The following DOCK10 variants were observed in gnomAD, a reference collection of about 807,000 sequenced individuals.
DOCK10 encodes dedicator of cytokinesis protein 10.
In DOCK10, 145 loss-of-function variants were observed where a neutral mutation model predicts 280.1. The observed-to-expected ratio is 0.52, with a 90% CI of 0.45 to 0.59. The LOEUF (loss-of-function observed/expected upper bound fraction) is 0.59, where lower values mean the gene tolerates loss of function less well. Ranked by LOEUF, DOCK10 falls within the 20% of genes least tolerant of loss-of-function variation. DOCK10 has a pLI of 0.00. For synonymous variants in DOCK10, 915 were observed against 942.2 expected, an observed-to-expected ratio of 0.97 and a Z score of 0.53; for missense variants, 2,368 against 2,651.7, an observed-to-expected ratio of 0.89 and a Z score of 2.35.
At chr2:224,834,726 T>G (rs955072525) in intron 25 of DOCK10, among the ~76,000 whole-genome samples, 10 of 152,194 alleles carry the variant, frequency 6.6e-5, no homozygotes, top group Admixed American at 5.9e-4. Flanking sequence ...GATCCCATGC[T>G]TAGACACACT....
chr2:224,982,173 A>G (rs749538966), intron 1 of DOCK10: 19 of 1,225,318 alleles, frequency 1.6e-5, no homozygotes, highest in East Asian at 6.3e-5. Flanking sequence ...TAACAGTTCA[A>G]TCCACTGAGG....
chr2:225,011,922 A>C (rs537038097), intron 1 of DOCK10, among the ~76,000 whole-genome samples: 3 of 152,222 alleles, frequency 2.0e-5, no homozygotes, highest in African/African-American at 7.2e-5. Flanking sequence ...CTCAATGCAC[A>C]TACGCAACTG....
chr2:224,886,169 G>A lies in DOCK10; in HGVS notation c.506C>T (p.Ser169Leu). The A allele has an allele frequency of 1.2e-6, 2 of 1,613,818 alleles. No homozygotes were observed. The highest frequency in any genetic ancestry group is 1.1e-5 in the South Asian group (1 of 91,076). Residue 169 changes from serine to leucine, a missense_variant, in exon 6 of 56, where the codon TCG (serine) becomes TTG (leucine). By Grantham distance (145) the Ser-to-Leu change is moderately radical (BLOSUM62 -2). Around this residue, in one of 2 missense-constraint regions of DOCK10, gnomAD observed 1,209 missense variants for 1,250.9 expected, o/e 0.97. Coordinates refer to ENST00000258390, the MANE Select transcript of DOCK10 (RefSeq NM_014689.3). ...ADKDEDTTSH[S>L]SSKGGGGAGG... Reference sequence around the variant, plus strand: ...CGCTCCTCCACCCCCCTTGGAAGACGAGTGGGAAGTGGTATCCTGTAGGAA... The same window carrying A: ...CGCTCCTCCACCCCCCTTGGAAGACAAGTGGGAAGTGGTATCCTGTAGGAA...
At chr2:224,986,451 T>C (rs1464375015) in intron 1 of DOCK10, among the ~76,000 whole-genome samples, 1 of 152,172 alleles carries the variant, frequency 6.6e-6, no homozygotes, top group African/African-American at 2.4e-5. Flanking sequence ...AAGGGTAGAA[T>C]TATGTCCCCC....
intron 3 of DOCK10, among the ~76,000 whole-genome samples, chr2:224,914,179 A>C (rs1701191120): frequency 6.6e-6 from 1 of 152,216 alleles, no homozygotes; most frequent in South Asian, 2.1e-4. Context: ...TCTTCCCCAG[A>C]GACTTTGAAG....
intron 1 of DOCK10, among the ~76,000 whole-genome samples, chr2:225,011,956 C>T (rs1239006266): frequency 6.6e-6 from 1 of 152,064 alleles, no homozygotes; most frequent in Non-Finnish European, 1.5e-5. Flanking sequence ...CTCACATGTA[C>T]TGTCGGGAAG....
At chr2:224,927,810 T>C (rs576833916) in intron 2 of DOCK10, among the ~76,000 whole-genome samples, 1 of 152,020 alleles carries the variant, frequency 6.6e-6, no homozygotes, top group Admixed American at 6.6e-5. Context: ...AACCGAGTAA[T>C]GAATCATGTG....
intron 11 of DOCK10, among the ~76,000 whole-genome samples, chr2:224,866,392 C>G (rs1697913585): frequency 1.3e-5 from 2 of 152,144 alleles, no homozygotes; most frequent in African/African-American, 4.8e-5. Flanking sequence ...TTCATTGTGT[C>G]TAGAGCACAC....
intron 3 of DOCK10, among the ~76,000 whole-genome samples, chr2:224,907,260 T>C (rs1291914498): frequency 6.6e-6 from 1 of 152,188 alleles, no homozygotes; most frequent in Admixed American, 6.5e-5. Context: ...AGAGTAACAT[T>C]ATTTATACTT....
rs1702509179 is a variant in DOCK10, at chr2:224,933,392, T to G, written c.124-1724A>C. On this transcript the variant is annotated intron_variant, in intron 1 of 55. Transcript: ENST00000258390. ...CACATTTATTTTCTTTTTAATTGGC[T>G]TTGAATGTCTTTAAGTCATGGTATT... is the stretch of plus-strand genomic sequence containing the variant. Among the ~76,000 whole-genome samples the G allele has an allele frequency of 2.6e-5, 4 of 152,326 alleles. No individual in the cohort carries two copies. The South Asian group carries it at 8.3e-4, about 32-fold the overall frequency.
intron 1 of DOCK10, among the ~76,000 whole-genome samples, chr2:224,941,437 TG>T (rs1391524808): frequency 6.6e-6 from 1 of 152,224 alleles, no homozygotes; most frequent in African/African-American, 2.4e-5. Context: ...ATACTATTTC[TG>T]CTCCACTTTT....
intron 31 of DOCK10, among the ~76,000 whole-genome samples, chr2:224,811,846 T>C (rs1693804921): frequency 6.6e-6 from 1 of 151,802 alleles, no homozygotes. Context: ...TTGATCTATA[T>C]CTCTGTTTTG....
At chr2:224,895,745 A>T (rs1478641284) in intron 4 of DOCK10, among the ~76,000 whole-genome samples, 2 of 151,744 alleles carry the variant, frequency 1.3e-5, no homozygotes, top group African/African-American at 4.9e-5. Flanking sequence ...AGCAGAACAA[A>T]ATTACTTTCT....
intron 39 of DOCK10, among the ~76,000 whole-genome samples, chr2:224,802,324 T>G (rs1693070493): frequency 6.6e-6 from 1 of 152,136 alleles, no homozygotes; most frequent in Non-Finnish European, 1.5e-5. Context: ...ATTTATGAAA[T>G]AATGGGATTC....
At chr2:224,880,183 A>C (rs923946552) in intron 7 of DOCK10, among the ~76,000 whole-genome samples, 1 of 152,236 alleles carries the variant, frequency 6.6e-6, no homozygotes, top group Non-Finnish European at 1.5e-5. Context: ...TATTCTTAAA[A>C]ATTTGAGCAA....
chr2:224,766,190 A>T (rs1177964317), intron 55 of DOCK10, among the ~76,000 whole-genome samples: 4 of 152,230 alleles, frequency 2.6e-5, no homozygotes, highest in Non-Finnish European at 4.4e-5. Context: ...AAACATTAGA[A>T]ATTTTATTTA....
At chr2:224,957,422 C>G (rs1704115586) in intron 1 of DOCK10, among the ~76,000 whole-genome samples, 1 of 152,054 alleles carries the variant, frequency 6.6e-6, no homozygotes, top group African/African-American at 2.4e-5. Context: ...TGCTGAGTAG[C>G]TGGGATTACA....
At chr2:224,824,756 A>G (rs1694732886) in intron 27 of DOCK10, among the ~76,000 whole-genome samples, 1 of 151,902 alleles carries the variant, frequency 6.6e-6, no homozygotes, top group Admixed American at 6.6e-5. Context: ...AGATTCATTC[A>G]TCTTTACCAG....
At chr2:224,954,258 G>A (rs909804819) in intron 1 of DOCK10, among the ~76,000 whole-genome samples, 4 of 152,050 alleles carry the variant, frequency 2.6e-5, no homozygotes, top group Non-Finnish European at 5.9e-5. Flanking sequence ...AACAGTGAAG[G>A]AGTTATACTT....
Sources: allele counts gnomAD v4.1 joint callset (sites outside exome capture counted in the v4.1 genomes callset), GRCh38; gene constraint gnomAD v4.1.1; regional missense constraint gnomAD v4.1.1; transcripts MANE v1.5; gene names NCBI Gene and HGNC (gene_info 2026-07-23, HGNC 2026-07-21).